The following ABHD12 variants were observed in gnomAD, a reference collection of about 807,000 sequenced individuals.
ABHD12 encodes lysophosphatidylserine lipase ABHD12.
ABHD12 carries 43 observed loss-of-function variants against 58.3 expected under a neutral mutation model. That is an observed-to-expected ratio of 0.74 (90% CI 0.58 to 0.95). ABHD12 has a LOEUF of 0.95. Among genes scored for constraint, ABHD12 ranks in the 40% least tolerant of loss-of-function variants. The pLI, the probability that ABHD12 is intolerant of heterozygous loss-of-function variation, is 0.00. For missense variants in ABHD12, 539 were observed against 537.2 expected, an observed-to-expected ratio of 1.00 and a Z score of -0.03; for synonymous variants, 219 against 211.2, an observed-to-expected ratio of 1.04 and a Z score of -0.32.
chr20:25,353,351 T>C (rs1189761324), intron 1 of ABHD12, among the ~76,000 whole-genome samples: 1 of 152,022 alleles, frequency 6.6e-6, no homozygotes, highest in East Asian at 1.9e-4. Flanking sequence ...TAAATGAAAG[T>C]AAATAACTCA....
At chr20:25,390,475 C>CG in intron 1 of ABHD12, 38 bp downstream of exon 1, 11 of 1,089,466 alleles carry the variant, frequency 1.0e-5, no homozygotes, top group East Asian at 8.1e-5. Flanking sequence ...AGTGAGGGAC[C>CG]GGCCCCCCCC....
chr20:25,295,558 C>T (rs754166234), downstream of ABHD12: 1 of 1,574,242 alleles, frequency 6.4e-7, no homozygotes, highest in Non-Finnish European at 8.7e-7. Context: ...ACAGTGTGGG[C>T]AGGGCTCCCT....
At chr20:25,323,695 T>C (rs1397387577) in intron 2 of ABHD12, among the ~76,000 whole-genome samples, 1 of 152,184 alleles carries the variant, frequency 6.6e-6, no homozygotes, top group Admixed American at 6.5e-5. Context: ...GGACAGAGAC[T>C]GCAGTGAGGG....
chr20:25,334,602 C>G (rs1275281589), intron 2 of ABHD12, among the ~76,000 whole-genome samples: 1 of 151,910 alleles, frequency 6.6e-6, no homozygotes, highest in Non-Finnish European at 1.5e-5. Context: ...GGTACCAAAA[C>G]AGAGATATAG....
intron 1 of ABHD12, among the ~76,000 whole-genome samples, chr20:25,350,929 C>T (rs1014164320): frequency 6.7e-6 from 1 of 149,222 alleles, no homozygotes; most frequent in Non-Finnish European, 1.5e-5. Flanking sequence ...GTAGAAAAGC[C>T]TCATCAGAGG....
intron 1 of ABHD12, among the ~76,000 whole-genome samples, chr20:25,373,147 C>T (rs532203988): frequency 1.5e-4 from 23 of 152,258 alleles, no homozygotes; most frequent in Non-Finnish European, 3.1e-4. Flanking sequence ...CTGATCTTCG[C>T]GTGACAATGC....
rs2088780291 is a variant in ABHD12, at chr20:25,308,162, G to A, written c.788-117C>T. ...AGGAGACCACAGCGCCTCCCACCAG[G>A]CAACCACCTCGGCAGGCCTCAGATA... On this transcript the variant is annotated intron_variant, in intron 8 of 12. Coordinates refer to ENST00000339157, the MANE Select transcript of ABHD12 (RefSeq NM_001042472.3). 3.7e-6 allele frequency: 3 copies of A among 817,672 alleles called. 1 individual carries two copies. In the South Asian group the frequency reaches 4.1e-5, roughly 11 times the overall value. The allele number at this position is 817,672 out of a possible 1,614,324, so 50.7% of individuals were successfully genotyped here. A position where few individuals can be genotyped will look rare whatever the true frequency, so the allele number is the denominator to read the frequency against.
In ABHD12 at chr20:25,390,745, CTGCGCCGCAGT is replaced by C; in HGVS notation, c.-53_-43del. The stretch of plus-strand genomic sequence containing the variant: ...CCAGCCGCCGACGGCGCCCGCTGGC[CTGCGCCGCAGT>C]GCCGCCGCTCACAGCCGCCGCCACC... On this transcript the variant is annotated 5_prime_UTR_variant, in exon 1 of 13. Transcript: ENST00000339157. 8.0e-7 allele frequency: 1 copy of C among 1,246,530 alleles called. No individual in the cohort carries two copies. Among genetic ancestry groups the C allele is most frequent in the Non-Finnish European group, 1.0e-6 (1 of 992,974 alleles). 77.2% of individuals were successfully genotyped at this position (1,246,530 alleles called of 1,614,324 possible). A position where few individuals can be genotyped will look rare whatever the true frequency, so the allele number is the denominator to read the frequency against.
At chr20:25,304,152 G>A (rs936373842) in intron 10 of ABHD12, among the ~76,000 whole-genome samples, 48 of 152,266 alleles carry the variant, frequency 3.2e-4, no homozygotes, top group African/African-American at 1.1e-3. Flanking sequence ...CTCCTGTGCG[G>A]CCCTCACTGA....
intron 1 of ABHD12, among the ~76,000 whole-genome samples, chr20:25,360,899 C>A (rs1482121310): frequency 2.0e-5 from 3 of 152,228 alleles, no homozygotes; most frequent in Non-Finnish European, 4.4e-5. Context: ...CATCAAGAGA[C>A]TGAAGATTTA....
At chr20:25,366,532 C>T (rs2089824844) in intron 1 of ABHD12, among the ~76,000 whole-genome samples, 1 of 152,198 alleles carries the variant, frequency 6.6e-6, no homozygotes, top group Admixed American at 6.5e-5. Context: ...TCCCAAAGTG[C>T]TGGGATTACA....
chr20:25,342,276 A>G (rs908109178), intron 1 of ABHD12, among the ~76,000 whole-genome samples: 3 of 152,222 alleles, frequency 2.0e-5, no homozygotes, highest in Non-Finnish European at 2.9e-5. Flanking sequence ...GCAACCACGT[A>G]GATGAATCTC....
rs1364593291 is a variant in ABHD12 at position 25,308,989 on chromosome 20, C to A, written c.749+457G>T. The stretch of plus-strand genomic sequence containing the variant: ...AGGGCTGCCCCGAAGGGAAAGGCAG[C>A]AGAAAGGGAATGGCAGTGAAGGTCT... On this transcript the variant is annotated intron_variant, in intron 7 of 12. Coordinates refer to ENST00000339157, the MANE Select transcript of ABHD12 (RefSeq NM_001042472.3). Among the ~76,000 whole-genome samples the A allele has an allele frequency of 2.0e-5, 3 of 152,204 alleles. No individual in the cohort carries two copies. The East Asian group carries it at 5.8e-4, about 29-fold the overall frequency.
At chr20:25,351,448 C>T (rs1226987750) in intron 1 of ABHD12, among the ~76,000 whole-genome samples, 1 of 152,180 alleles carries the variant, frequency 6.6e-6, no homozygotes, top group Non-Finnish European at 1.5e-5. Flanking sequence ...TGTCTTGTTC[C>T]CATTGAAATA....
chr20:25,294,941 T>C, exon 13 of ABHD12: 1 of 1,613,372 alleles, frequency 6.2e-7, no homozygotes, highest in Non-Finnish European at 8.5e-7. Context: ...TGTCTGCTGC[T>C]CTTCGATGAC....
Position 25,390,520 on chromosome 20 carries a change from G to A in ABHD12, c.184C>T (p.Leu62=), listed in dbSNP as rs1321713163. The change falls in exon 1 of 13, where the codon CTG becomes TTG. Residue 62 remains leucine, a synonymous_variant. Transcript: ENST00000339157. ...CAADAGMKRA[L]GRRKGVWLRL... ...CTCCGCGCGAAGCCTCACCTGCCCA[G>A]CGCCCGCTTCATTCCCGCGTCGGCT... 2.9e-5 allele frequency: 36 copies of A among 1,244,420 alleles called. No individual in the cohort carries two copies. The highest frequency in any genetic ancestry group is 3.7e-5 in the Non-Finnish European group (36 of 969,232). The allele number at this position is 1,244,420 out of a possible 1,614,324, so 77.1% of individuals were successfully genotyped here.
At chr20:25,339,852 C>T in intron 1 of ABHD12, 1 of 1,007,212 alleles carries the variant, frequency 9.9e-7, no homozygotes, top group Non-Finnish European at 1.3e-6. Context: ...GAGCAGGAGG[C>T]TAAGAACTGG....
chr20:25,380,085 T>C (rs2090004856), intron 1 of ABHD12, among the ~76,000 whole-genome samples: 1 of 152,212 alleles, frequency 6.6e-6, no homozygotes, highest in Non-Finnish European at 1.5e-5. Flanking sequence ...CATTGAATAG[T>C]TGAGCCCTTT....
intron 1 of ABHD12, among the ~76,000 whole-genome samples, chr20:25,374,749 C>T (rs940892632): frequency 1.3e-5 from 2 of 152,156 alleles, no homozygotes; most frequent in Non-Finnish European, 2.9e-5. Flanking sequence ...ATCCTCCCGC[C>T]TCGGCCTCCC....
Sources: allele counts gnomAD v4.1 joint callset (sites outside exome capture counted in the v4.1 genomes callset), GRCh38; gene constraint gnomAD v4.1.1; transcripts MANE v1.5; gene names NCBI Gene and HGNC (gene_info 2026-07-23, HGNC 2026-07-21).